The following CDH6 variants were observed in gnomAD, a reference collection of about 807,000 sequenced individuals.
CDH6 encodes cadherin 6.
Under a neutral mutation model 78.0 loss-of-function variants are expected in CDH6, and 31 were observed. That is an observed-to-expected ratio of 0.40 (90% confidence interval 0.30 to 0.54). The LOEUF (loss-of-function observed/expected upper bound fraction) is 0.54, where lower values mean the gene tolerates loss of function less well. Among genes scored for constraint, CDH6 ranks in the 20% least tolerant of loss-of-function variants. The probability of loss-of-function intolerance (pLI) is 0.56; values close to 1 mark genes in which losing one functional copy is unlikely to be tolerated. For synonymous variants in CDH6, 376 were observed against 368.8 expected (o/e 1.02, Z -0.23); for missense variants, 724 against 975.9 (o/e 0.74, Z 3.44).
intron 1 of CDH6, among the ~76,000 whole-genome samples, chr5:31,262,106 C>T (rs997569587): frequency 6.6e-6 from 1 of 152,286 alleles, no homozygotes; most frequent in Admixed American, 6.5e-5. Context: ...GTCAGCCCAG[C>T]CTTTGCATTA....
intron 1 of CDH6, chr5:31,250,558 A>T (rs1252425174): frequency 6.5e-6 from 1 of 152,762 alleles, no homozygotes; most frequent in Non-Finnish European, 1.5e-5. Context: ...AGATGCCAGG[A>T]TGACAAGGAC....
intron 1 of CDH6, among the ~76,000 whole-genome samples, chr5:31,254,211 G>A (rs1444474336): frequency 2.6e-5 from 4 of 152,072 alleles, no homozygotes; most frequent in Non-Finnish European, 5.9e-5. Flanking sequence ...CTTGTGTTCA[G>A]GTCACCCTAA....
intron 1 of CDH6, among the ~76,000 whole-genome samples, chr5:31,247,897 A>G (rs1225087285): frequency 1.3e-5 from 2 of 152,202 alleles, no homozygotes; most frequent in African/African-American, 2.4e-5. Context: ...CTGCAGCCCA[A>G]ATAGAAACAA....
intron 1 of CDH6, among the ~76,000 whole-genome samples, chr5:31,232,643 A>G (rs1359738006): frequency 6.6e-6 from 1 of 152,286 alleles, no homozygotes; most frequent in Non-Finnish European, 1.5e-5. Context: ...AAGTTTGCAA[A>G]GCAAATGGAT....
rs1738665099 is a variant in CDH6, at chr5:31,328,497, C to CA, written c.*5192dup. 4.8e-6 allele frequency: 1 copy of CA among 207,676 alleles called. No homozygotes were observed. The highest frequency in any genetic ancestry group is 9.8e-6 in the Non-Finnish European group (1 of 101,850). The allele number at this position is 207,676 out of a possible 1,614,324, so 12.9% of individuals were successfully genotyped here. A position where few individuals can be genotyped will look rare whatever the true frequency, so the allele number is the denominator to read the frequency against. ...GCTCGGAAGAAACGTAGGAACGCTTCAAACCCACTGTAATGTTTGGTTTGA... is the reference window on the plus strand; with the variant it reads ...GCTCGGAAGAAACGTAGGAACGCTTCAAAACCCACTGTAATGTTTGGTTTGA... On this transcript the variant is annotated 3_prime_UTR_variant, in exon 12 of 12. Transcript: ENST00000265071.
intron 5 of CDH6, among the ~76,000 whole-genome samples, 197 bp from the exon 6 acceptor site, chr5:31,301,914 C>G (rs1301803942): frequency 6.6e-6 from 1 of 152,098 alleles, no homozygotes; most frequent in Admixed American, 6.5e-5. Context: ...GGAAACAGGT[C>G]ATGAAATAGA....
At chr5:31,203,201 CGA>C (rs61085036) in intron 1 of CDH6, among the ~76,000 whole-genome samples, 43 of 145,884 alleles carry the variant, frequency 2.9e-4, no homozygotes, top group Non-Finnish European at 2.1e-4. Context: ...TTTTATAAAG[CGA>C]GAGAGAGAGA....
intron 6 of CDH6, 185 bp downstream of exon 6, chr5:31,302,483 G>A (rs1038471185): frequency 2.5e-5 from 12 of 476,872 alleles, no homozygotes; most frequent in African/African-American, 1.9e-4. Context: ...AGCACTTTTG[G>A]GGGCCAAGGC....
rs1048692849 is a variant in CDH6 at position 31,325,120 on chromosome 5, A to G, written c.*1812A>G. 2.2e-5 allele frequency: 5 copies of G among 225,634 alleles called. No homozygotes were observed. The highest frequency in any genetic ancestry group is 1.3e-3 in the Middle Eastern group (1 of 754). 14.0% of individuals were successfully genotyped at this position (225,634 alleles called of 1,614,324 possible). A position where few individuals can be genotyped will look rare whatever the true frequency, so the allele number is the denominator to read the frequency against. The stretch of plus-strand genomic sequence containing the variant: ...TAGGTGTATTACCCAAGAAGTAAAG[A>G]TGGAAACGTTAAAAGAAGAGAAATG... On this transcript the variant is annotated 3_prime_UTR_variant, in exon 12 of 12. Transcript: ENST00000265071.
At chr5:31,259,753 C>T (rs935058066) in intron 1 of CDH6, among the ~76,000 whole-genome samples, 6 of 152,172 alleles carry the variant, frequency 3.9e-5, no homozygotes, top group East Asian at 1.9e-4. Flanking sequence ...ACAGGGTCCA[C>T]GTGCCCAAAG....
chr5:31,312,501 C>T (rs868055461), intron 7 of CDH6, among the ~76,000 whole-genome samples: 5 of 152,314 alleles, frequency 3.3e-5, no homozygotes, highest in Middle Eastern at 3.4e-3. Context: ...GAGTTCAAGA[C>T]CAGCCCGGGC....
chr5:31,264,775 G>C (rs1354708058), intron 1 of CDH6, among the ~76,000 whole-genome samples: 1 of 152,168 alleles, frequency 6.6e-6, no homozygotes, highest in Non-Finnish European at 1.5e-5. Context: ...AGCAAAATTA[G>C]ATGTTGTAGC....
At chr5:31,231,899 A>G (rs991306738) in intron 1 of CDH6, among the ~76,000 whole-genome samples, 2 of 152,194 alleles carry the variant, frequency 1.3e-5, no homozygotes, top group African/African-American at 2.4e-5. Flanking sequence ...CCAGTTTTAG[A>G]CCTTTGCTCT....
At chr5:31,242,086 A>G (rs1741618001) in intron 1 of CDH6, among the ~76,000 whole-genome samples, 1 of 152,208 alleles carries the variant, frequency 6.6e-6, no homozygotes, top group South Asian at 2.1e-4. Flanking sequence ...GCAGAGCCCA[A>G]TAATCAAATG....
At position 31,267,466 on chromosome 5, in the gene CDH6, C is replaced by A; in HGVS notation, c.-8C>A. On this transcript the variant is annotated 5_prime_UTR_variant, in exon 2 of 12. Transcript: ENST00000265071. ...CTCACTACGCACAGACTCGACGGTG[C>A]CATCAGCATGAGAACTTACCGCTAC... 1.9e-6 allele frequency: 3 copies of A among 1,611,110 alleles called. No individual in the cohort carries two copies. The highest frequency in any genetic ancestry group is 2.5e-6 in the Non-Finnish European group (3 of 1,177,330).
At chr5:31,307,944 C>A (rs1273722731) in intron 7 of CDH6, among the ~76,000 whole-genome samples, 1 of 152,054 alleles carries the variant, frequency 6.6e-6, no homozygotes, top group East Asian at 1.9e-4. Context: ...TTTTTTGCTG[C>A]CAGCCTTTCC....
chr5:31,268,717 A>G (rs1017887808), intron 2 of CDH6, among the ~76,000 whole-genome samples: 1 of 152,220 alleles, frequency 6.6e-6, no homozygotes, highest in African/African-American at 2.4e-5. Flanking sequence ...GATATCATGC[A>G]AAAAACATAC....
intron 1 of CDH6, among the ~76,000 whole-genome samples, chr5:31,211,064 T>A (rs1022978243): frequency 1.3e-5 from 2 of 152,234 alleles, no homozygotes; most frequent in South Asian, 4.1e-4. Context: ...ATCTTTTATT[T>A]TAGCCTGTGT....
intron 1 of CDH6, among the ~76,000 whole-genome samples, chr5:31,228,378 C>T (rs1253631944): frequency 6.6e-6 from 1 of 152,162 alleles, no homozygotes; most frequent in Non-Finnish European, 1.5e-5. Flanking sequence ...TGCTGCAGAT[C>T]CCCAGTGCCA....
Sources: gnomAD v4.1 joint callset for allele counts (sites outside exome capture counted in the v4.1 genomes callset) on GRCh38, gnomAD v4.1.1 for gene constraint, MANE v1.5 for transcripts, NCBI Gene and HGNC (gene_info 2026-07-23, HGNC 2026-07-21) for gene names.